The following ASCC1 variants were observed in gnomAD, a reference collection of about 807,000 sequenced individuals.
ASCC1 encodes activating signal cointegrator 1 complex subunit 1, also known as ASC-1 complex subunit P50.
A neutral mutation model predicts 46.6 loss-of-function variants in ASCC1; 35 were observed. The observed-to-expected ratio is 0.75, with a 90% CI of 0.57 to 0.99. The LOEUF is 0.99. Among genes scored for constraint, ASCC1 ranks in the 50% least tolerant of loss-of-function variants. The pLI is 0.00. For missense variants in ASCC1, 376 were observed against 428.7 expected, an observed-to-expected ratio of 0.88 and a Z score of 1.09; for synonymous variants, 143 against 146.6, an observed-to-expected ratio of 0.98 and a Z score of 0.18.
intron 5 of ASCC1, among the ~76,000 whole-genome samples, chr10:72,170,420 G>C (rs1262659749): frequency 6.6e-6 from 1 of 151,952 alleles, no homozygotes; most frequent in Non-Finnish European, 1.5e-5. Context: ...CAGATCAAAA[G>C]TGAGAAGCAT....
chr10:72,196,578 G>C (rs1291634121), intron 5 of ASCC1, among the ~76,000 whole-genome samples: 1 of 151,924 alleles, frequency 6.6e-6, no homozygotes, highest in Non-Finnish European at 1.5e-5. Context: ...CACTGCGCCT[G>C]GCCCGATATG....
chr10:72,162,521 C>T (rs1849823811), intron 5 of ASCC1, among the ~76,000 whole-genome samples: 2 of 151,924 alleles, frequency 1.3e-5, no homozygotes, highest in African/African-American at 4.8e-5. Flanking sequence ...CCAGGCTGGA[C>T]TGCAGTGGTG....
chr10:72,120,820 C>A (rs1228055874), intron 9 of ASCC1, among the ~76,000 whole-genome samples: 3 of 151,914 alleles, frequency 2.0e-5, no homozygotes, highest in Admixed American at 6.6e-5. Context: ...GAATTCTGAA[C>A]CCTGTGAAAT....
At chr10:72,103,225 C>T (rs1307993558) in intron 9 of ASCC1, among the ~76,000 whole-genome samples, 6 of 151,550 alleles carry the variant, frequency 4.0e-5, no homozygotes, top group Admixed American at 6.6e-5. Context: ...CTCCACCTCC[C>T]GGGTTCATGC....
chr10:72,188,074 A>C (rs1853770653), intron 5 of ASCC1, among the ~76,000 whole-genome samples: 1 of 138,812 alleles, frequency 7.2e-6, no homozygotes, highest in Admixed American at 6.7e-5. Context: ...AATTTTACTA[A>C]TTCTCACCCC....
Position 72,161,649 on chromosome 10 carries a change from A to C in ASCC1, c.515T>G (p.Phe172Cys). ...TAGATGAAGCTTTTTAGGATTCTGG[A>C]AAATGCTGCTGTCAACCCCATGATC... ...SMDHGVDSSI[F>C]QNPKKLHLTI... Residue 172 changes from phenylalanine to cysteine, a missense_variant, in exon 6 of 10, where the codon TTC becomes TGC. Coordinates refer to ENST00000672957, the MANE Select transcript of ASCC1 (RefSeq NM_001198800.3). 6.2e-7 allele frequency: 1 copy of C among 1,614,182 alleles called. No individual in the cohort carries two copies. The highest frequency in any genetic ancestry group is 1.1e-5 in the South Asian group (1 of 91,082).
chr10:72,097,905 G>A (rs1841275828), intron 9 of ASCC1, among the ~76,000 whole-genome samples: 1 of 152,148 alleles, frequency 6.6e-6, no homozygotes, highest in African/African-American at 2.4e-5. Flanking sequence ...TTTGTTAGGA[G>A]CGCTGACTAA....
intron 4 of ASCC1, among the ~76,000 whole-genome samples, chr10:72,197,723 T>C (rs540952430): frequency 7.9e-5 from 12 of 151,588 alleles, no homozygotes; most frequent in African/African-American, 2.4e-4. Context: ...CTGGCCAATA[T>C]GGCAAAACCC....
chr10:72,171,613 C>T (rs1188581590), intron 5 of ASCC1, among the ~76,000 whole-genome samples: 1 of 152,234 alleles, frequency 6.6e-6, no homozygotes, highest in Non-Finnish European at 1.5e-5. Context: ...CATGGGGTTT[C>T]ACCATGTTGG....
At chr10:72,172,296 T>C (rs868016993) in intron 5 of ASCC1, among the ~76,000 whole-genome samples, 1 of 150,334 alleles carries the variant, frequency 6.7e-6, no homozygotes, top group Non-Finnish European at 1.5e-5. Flanking sequence ...ACAACTGTAA[T>C]CCCAGCTACT....
intron 5 of ASCC1, among the ~76,000 whole-genome samples, chr10:72,172,928 ATATATTT>A (rs1460366744): frequency 7.5e-6 from 1 of 133,966 alleles, no homozygotes. Flanking sequence ...ATTATATATT[ATATATTT>A]TATATTATAT....
At chr10:72,148,560 T>C (rs184909431) in intron 7 of ASCC1, among the ~76,000 whole-genome samples, 1 of 152,354 alleles carries the variant, frequency 6.6e-6, no homozygotes, top group Non-Finnish European at 1.5e-5. Context: ...AAGTAAAAAT[T>C]AGAATTTTGG....
intron 9 of ASCC1, among the ~76,000 whole-genome samples, chr10:72,110,862 C>A (rs1043930617): frequency 4.6e-5 from 7 of 152,204 alleles, no homozygotes; most frequent in African/African-American, 1.4e-4. Context: ...TAACAGCTAT[C>A]CAAATAATGG....
intron 9 of ASCC1, among the ~76,000 whole-genome samples, chr10:72,113,214 A>T (rs1843121010): frequency 6.6e-6 from 1 of 152,254 alleles, no homozygotes; most frequent in Non-Finnish European, 1.5e-5. Flanking sequence ...TAAGAAAGGT[A>T]ATGCTAACCT....
intron 4 of ASCC1, chr10:72,198,521 A>C (rs1478445142): frequency 4.4e-6 from 2 of 455,524 alleles, no homozygotes; most frequent in Non-Finnish European, 8.8e-6. Flanking sequence ...CAGACAGCCT[A>C]GGCAATTTAC....
chr10:72,106,074 C>T (rs1842314261), intron 9 of ASCC1, among the ~76,000 whole-genome samples: 1 of 152,102 alleles, frequency 6.6e-6, no homozygotes, highest in Non-Finnish European at 1.5e-5. Flanking sequence ...TTTCTTCAAT[C>T]TTAGACAAAG....
At chr10:72,183,527 T>C (rs978005957) in intron 5 of ASCC1, among the ~76,000 whole-genome samples, 7 of 151,918 alleles carry the variant, frequency 4.6e-5, no homozygotes, top group Non-Finnish European at 7.4e-5. Context: ...TACAGACTTA[T>C]AGTACCAGCT....
chr10:72,169,969 A>T (rs1850854737), intron 5 of ASCC1, among the ~76,000 whole-genome samples: 1 of 152,128 alleles, frequency 6.6e-6, no homozygotes, highest in South Asian at 2.1e-4. Context: ...AAAACACAAA[A>T]ATTAGCAGGG....
At chr10:72,163,073 G>A (rs1849900664) in intron 5 of ASCC1, among the ~76,000 whole-genome samples, 1 of 152,046 alleles carries the variant, frequency 6.6e-6, no homozygotes, top group South Asian at 2.1e-4. Flanking sequence ...AAACCACTAT[G>A]AGGTACCATT....
Sources: allele counts gnomAD v4.1 joint callset (sites outside exome capture counted in the v4.1 genomes callset), GRCh38; gene constraint gnomAD v4.1.1; transcripts MANE v1.5; gene names NCBI Gene and HGNC (gene_info 2026-07-23, HGNC 2026-07-21).